The following CTNNA2 variants were observed in gnomAD, a reference collection of about 807,000 sequenced individuals.
CTNNA2 encodes the protein catenin alpha-2.
A neutral mutation model predicts 101.0 loss-of-function variants in CTNNA2; 42 were observed. The ratio of observed to expected loss-of-function variants is 0.42; its 90% CI spans 0.32 to 0.54. CTNNA2 has a LOEUF of 0.54. Ranked by LOEUF, CTNNA2 falls within the 20% of genes least tolerant of loss-of-function variation. CTNNA2 has a pLI of 0.14. For missense variants in CTNNA2, 871 were observed against 1,223.1 expected, an observed-to-expected ratio of 0.71 and a Z score of 4.29; for synonymous variants, 450 against 456.4, an observed-to-expected ratio of 0.99 and a Z score of 0.18.
chr2:79,280,656 TAAGA>T (rs1361862819), intron 2 of CTNNA2, among the ~76,000 whole-genome samples: 2 of 96,762 alleles, frequency 2.1e-5, no homozygotes, highest in Non-Finnish European at 4.1e-5. Context: ...TGTGTGTGTG[TAAGA>T]GAAAGAGAGA....
At chr2:79,282,338 T>C (rs1200068216) in intron 2 of CTNNA2, among the ~76,000 whole-genome samples, 3 of 152,090 alleles carry the variant, frequency 2.0e-5, no homozygotes, top group Admixed American at 6.6e-5. Flanking sequence ...ACATGTGCCA[T>C]GCTGGTGCGC....
intron 1 of CTNNA2, among the ~76,000 whole-genome samples, chr2:79,590,222 A>G (rs541397050): frequency 1.3e-5 from 2 of 152,216 alleles, no homozygotes; most frequent in Non-Finnish European, 2.9e-5. Context: ...TGAAACATGT[A>G]TACTTAACCA....
intron 3 of CTNNA2, among the ~76,000 whole-genome samples, chr2:79,772,045 A>C (rs1381638657): frequency 1.0e-5 from 1 of 96,714 alleles, no homozygotes; most frequent in East Asian, 3.3e-4. Flanking sequence ...TTTTCTTTTG[A>C]TGGTGCCAGA....
chr2:80,001,433 GT>G (rs982083359), intron 7 of CTNNA2, among the ~76,000 whole-genome samples: 1 of 152,116 alleles, frequency 6.6e-6, no homozygotes, highest in Non-Finnish European at 1.5e-5. Flanking sequence ...AAGTGTTAGA[GT>G]TTTAAAAAGC....
At chr2:80,631,040 T>A (rs554753329) in intron 18 of CTNNA2, among the ~76,000 whole-genome samples, 87 of 152,336 alleles carry the variant, frequency 5.7e-4, no homozygotes, top group African/African-American at 1.9e-3. Context: ...TTTCCTGGCA[T>A]TTTTTAATGT....
chr2:79,294,236 G>A (rs1675912347), intron 2 of CTNNA2, among the ~76,000 whole-genome samples: 1 of 150,670 alleles, frequency 6.6e-6, no homozygotes, highest in Admixed American at 6.6e-5. Flanking sequence ...AGAAGAAGAA[G>A]AAGAGGAGGA....
chr2:80,065,381 A>G lies in CTNNA2; in HGVS notation c.1056+155584A>G, dbSNP rs186730990. ...CCATTCTATTTTTTTTTTTTTTGAG[A>G]TGGAGTCTTGCTCTGTCACCAGGCT... On this transcript the variant is annotated intron_variant, in intron 7 of 18. Transcript: ENST00000402739. Among the ~76,000 whole-genome samples, 1,315 of 144,782 alleles carry G rather than the reference A, an allele frequency of 9.1e-3. 39 individuals carry two copies. Among genetic ancestry groups the G allele is most frequent in the Admixed American group, 0.057 (824 of 14,556 alleles). The allele number at this position is 144,782 out of a possible 152,430, so 95.0% of individuals were successfully genotyped here.
At chr2:80,022,514 C>G (rs1336094228) in intron 7 of CTNNA2, among the ~76,000 whole-genome samples, 3 of 152,050 alleles carry the variant, frequency 2.0e-5, no homozygotes, top group African/African-American at 7.2e-5. Flanking sequence ...CCTTATAATC[C>G]TGGTACTTTG....
intron 2 of CTNNA2, among the ~76,000 whole-genome samples, chr2:79,704,544 G>C (rs1057381412): frequency 7.6e-6 from 1 of 131,116 alleles, no homozygotes; most frequent in East Asian, 2.3e-4. Flanking sequence ...ACGGAGTCTC[G>C]CTCTGTTCCC....
chr2:80,557,416 A>G (rs1347287239), intron 12 of CTNNA2, among the ~76,000 whole-genome samples: 1 of 152,096 alleles, frequency 6.6e-6, no homozygotes, highest in Non-Finnish European at 1.5e-5. Context: ...ACCATCTCAC[A>G]TTTCTGTGGC....
intron 1 of CTNNA2, among the ~76,000 whole-genome samples, chr2:79,592,223 C>T (rs537623575): frequency 6.6e-6 from 1 of 151,452 alleles, no homozygotes; most frequent in Admixed American, 6.6e-5. Flanking sequence ...CGGGTTCAGG[C>T]GATTCTCCTG....
At position 79,466,259 on chromosome 2, in the gene CTNNA2, G is replaced by A. The variant is rs894608239; in HGVS notation, c.-134-38795G>A. 2.0e-5 allele frequency among the ~76,000 whole-genome samples: 3 copies of A among 152,228 alleles called. No individual in the cohort carries two copies. In the South Asian group the frequency reaches 6.2e-4, roughly 31 times the overall value. Reference sequence around the variant, plus strand: ...CTGCACCTGGCTTGGAGGGTCCCATGCCCATGGAGACTCGCTCATTGCTAG... The same window carrying A: ...CTGCACCTGGCTTGGAGGGTCCCATACCCATGGAGACTCGCTCATTGCTAG... On this transcript the variant is annotated intron_variant, in intron 4 of 21. Transcript: ENST00000466387.
At chr2:79,647,452 T>A (rs1360111780) in intron 1 of CTNNA2, among the ~76,000 whole-genome samples, 1 of 152,132 alleles carries the variant, frequency 6.6e-6, no homozygotes, top group African/African-American at 2.4e-5. Context: ...AAACTGGGAC[T>A]CAGAAAGGGC....
At chr2:79,644,135 T>G (rs1267998208) in intron 1 of CTNNA2, among the ~76,000 whole-genome samples, 2 of 152,124 alleles carry the variant, frequency 1.3e-5, no homozygotes, top group South Asian at 4.1e-4. Context: ...CCTACCGGGT[T>G]CAAACAATTC....
intron 7 of CTNNA2, among the ~76,000 whole-genome samples, chr2:80,272,332 C>T (rs1018389661): frequency 6.6e-6 from 1 of 152,198 alleles, no homozygotes; most frequent in East Asian, 1.9e-4. Flanking sequence ...AAATACCGTT[C>T]CATCTGTTAG....
At chr2:80,536,321 C>T (rs79511196) in intron 9 of CTNNA2, among the ~76,000 whole-genome samples, 99 of 152,214 alleles carry the variant, frequency 6.5e-4, no homozygotes, top group African/African-American at 2.0e-3. Flanking sequence ...GGCCACATGA[C>T]TGACTATAAA....
At chr2:79,726,643 C>T (rs1686860250) in intron 2 of CTNNA2, among the ~76,000 whole-genome samples, 1 of 152,106 alleles carries the variant, frequency 6.6e-6, no homozygotes, top group African/African-American at 2.4e-5. Flanking sequence ...TCCCTGGTGC[C>T]AGAAAGGTTA....
intron 2 of CTNNA2, among the ~76,000 whole-genome samples, chr2:79,273,764 A>G (rs987028371): frequency 4.0e-5 from 6 of 151,434 alleles, no homozygotes; most frequent in African/African-American, 7.3e-5. Flanking sequence ...CTCAAAGAGC[A>G]TGTTTATGTA....
chr2:79,489,119 A>G (rs1222933902), intron 4 of CTNNA2, among the ~76,000 whole-genome samples: 1 of 151,720 alleles, frequency 6.6e-6, no homozygotes. Context: ...TGTGTCTCCT[A>G]TTGTTCTCTT....
Sources: gnomAD v4.1 joint callset for allele counts (sites outside exome capture counted in the v4.1 genomes callset) on GRCh38, gnomAD v4.1.1 for gene constraint, MANE v1.5 for transcripts, NCBI Gene and HGNC (gene_info 2026-07-23, HGNC 2026-07-21) for gene names.